EEFSEC: variants seen among roughly 807,000 people sequenced by gnomAD.
The protein encoded by EEFSEC is eukaryotic elongation factor, selenocysteine-tRNA specific.
In EEFSEC, 43 loss-of-function variants were observed where a neutral mutation model predicts 42.1. That is an observed-to-expected ratio of 1.02 (90% CI 0.80 to 1.32). EEFSEC has a LOEUF of 1.32. Ranked by LOEUF, EEFSEC falls within the 40% of genes most tolerant of loss-of-function variation. EEFSEC has a pLI of 0.00. For synonymous variants in EEFSEC, 354 were observed against 339.1 expected, an observed-to-expected ratio of 1.04 and a Z score of -0.48; for missense variants, 745 against 803.6, an observed-to-expected ratio of 0.93 and a Z score of 0.88.
At chr3:128,218,517 G>A (rs146096590) in intron 1 of EEFSEC, among the ~76,000 whole-genome samples, 12 of 152,302 alleles carry the variant, frequency 7.9e-5, no homozygotes, top group East Asian at 5.8e-4. Flanking sequence ...CTGCTCAACC[G>A]TCTTGATTTA....
intron 4 of EEFSEC, among the ~76,000 whole-genome samples, chr3:128,306,886 A>T (rs542284754): frequency 1.3e-5 from 2 of 152,370 alleles, no homozygotes; most frequent in South Asian, 4.1e-4. Context: ...AAATTCTAAA[A>T]TCTTTCTACT....
At chr3:128,271,288 G>A (rs2066410024) in intron 4 of EEFSEC, among the ~76,000 whole-genome samples, 1 of 152,202 alleles carries the variant, frequency 6.6e-6, no homozygotes, top group South Asian at 2.1e-4. Flanking sequence ...TGTGAATCAG[G>A]TGCCCGAGGC....
intron 6 of EEFSEC, among the ~76,000 whole-genome samples, chr3:128,394,776 C>A (rs1311210574): frequency 6.6e-6 from 1 of 152,118 alleles, no homozygotes; most frequent in Non-Finnish European, 1.5e-5. Flanking sequence ...TTGCCTCTGG[C>A]CACAGCCTTT....
chr3:128,218,271 GA>G (rs1055821889), intron 1 of EEFSEC, among the ~76,000 whole-genome samples: 1 of 152,198 alleles, frequency 6.6e-6, no homozygotes, highest in African/African-American at 2.4e-5. Context: ...CCCCTTCACA[GA>G]CATAGACTGT....
At chr3:128,253,903 G>A (rs748244014) in intron 2 of EEFSEC, among the ~76,000 whole-genome samples, 2 of 152,186 alleles carry the variant, frequency 1.3e-5, no homozygotes, top group Admixed American at 6.5e-5. Flanking sequence ...TGGCCCCTGA[G>A]ATTGTTTAAG....
At position 128,282,735 on chromosome 3, in the gene EEFSEC, C is replaced by T. The variant is rs576453598; in HGVS notation, c.786+17954C>T. Reference sequence around the variant, plus strand: ...GGTGGGGAAAATCTAGGGACTGTTACCTCCTGGGAGAGGCAACCTGGTGAG... The same window carrying T: ...GGTGGGGAAAATCTAGGGACTGTTATCTCCTGGGAGAGGCAACCTGGTGAG... On this transcript the variant is annotated intron_variant, in intron 4 of 6. Transcript: ENST00000254730. Among the ~76,000 whole-genome samples, 3 of 152,324 alleles carry T rather than the reference C, an allele frequency of 2.0e-5. No individual in the cohort carries two copies. In the South Asian group the frequency reaches 6.2e-4, roughly 32 times the overall value.
At chr3:128,281,883 C>T (rs114223970) in intron 4 of EEFSEC, among the ~76,000 whole-genome samples, 2,407 of 152,304 alleles carry the variant, frequency 0.016, 45 homozygotes, top group African/African-American at 0.054. Flanking sequence ...GAAGCTGGGG[C>T]GTTCCCCTGA....
At chr3:128,255,359 T>A (rs952753283) in intron 2 of EEFSEC, among the ~76,000 whole-genome samples, 13 of 152,168 alleles carry the variant, frequency 8.5e-5, no homozygotes, top group African/African-American at 3.1e-4. Flanking sequence ...CCTGGTCAGA[T>A]GCCACAGAGG....
chr3:128,387,256 T>C (rs2067851811), intron 6 of EEFSEC, among the ~76,000 whole-genome samples: 1 of 152,178 alleles, frequency 6.6e-6, no homozygotes, highest in South Asian at 2.1e-4. Context: ...CAGTGTTCTG[T>C]CCCTTCTGGT....
At chr3:128,239,540 C>A (rs1362076519) in intron 1 of EEFSEC, among the ~76,000 whole-genome samples, 1 of 152,176 alleles carries the variant, frequency 6.6e-6, no homozygotes, top group Non-Finnish European at 1.5e-5. Flanking sequence ...CCCCGCCTGC[C>A]TCAGAACTTG....
chr3:128,381,620 G>A lies in EEFSEC; in HGVS notation c.1600+23247G>A, dbSNP rs139713796. ...CAGGCTAGGACTCAGTGGCAAGAGAGACAGCTTTGGGCCTGCTTCCTGGAG... is the reference window on the plus strand; with the variant it reads ...CAGGCTAGGACTCAGTGGCAAGAGAAACAGCTTTGGGCCTGCTTCCTGGAG... On this transcript the variant is annotated intron_variant, in intron 6 of 6. Coordinates refer to ENST00000254730, the MANE Select transcript of EEFSEC (RefSeq NM_021937.5). Among the ~76,000 whole-genome samples the A allele has an allele frequency of 3.8e-4, 58 of 152,336 alleles. No individual in the cohort carries two copies. In the East Asian group the frequency reaches 0.011, roughly 28 times the overall value.
chr3:128,316,820 C>A (rs147098840), intron 4 of EEFSEC, among the ~76,000 whole-genome samples: 1 of 152,178 alleles, frequency 6.6e-6, no homozygotes, highest in Non-Finnish European at 1.5e-5. Flanking sequence ...CCATGACATA[C>A]GACAGCAGGG....
intron 1 of EEFSEC, among the ~76,000 whole-genome samples, chr3:128,172,334 C>T (rs901640445): frequency 3.3e-5 from 5 of 152,176 alleles, no homozygotes; most frequent in Non-Finnish European, 7.3e-5. Flanking sequence ...CTGGGTCTAG[C>T]GGAAATGCCA....
chr3:128,154,090 C>T (rs1390253448), intron 1 of EEFSEC, among the ~76,000 whole-genome samples: 1 of 151,498 alleles, frequency 6.6e-6, no homozygotes, highest in Non-Finnish European at 1.5e-5. Context: ...TCAAAAAATC[C>T]CTACCAAATG....
At chr3:128,204,104 G>A (rs2065668994) in intron 1 of EEFSEC, among the ~76,000 whole-genome samples, 1 of 152,200 alleles carries the variant, frequency 6.6e-6, no homozygotes, top group African/African-American at 2.4e-5. Context: ...TGTAAGGAAG[G>A]AATATAGAAG....
intron 6 of EEFSEC, among the ~76,000 whole-genome samples, chr3:128,394,678 C>T (rs964930169): frequency 1.3e-5 from 2 of 152,250 alleles, no homozygotes; most frequent in East Asian, 1.9e-4. Context: ...TGGAGCTCCA[C>T]GGGAGGCCAC....
intron 5 of EEFSEC, among the ~76,000 whole-genome samples, chr3:128,355,956 G>A (rs1460326322): frequency 1.3e-5 from 2 of 152,234 alleles, no homozygotes; most frequent in Non-Finnish European, 2.9e-5. Context: ...TAGGCACCAG[G>A]CCTTGATTTG....
At chr3:128,193,525 T>G (rs1161519204) in intron 1 of EEFSEC, among the ~76,000 whole-genome samples, 1 of 152,258 alleles carries the variant, frequency 6.6e-6, no homozygotes, top group African/African-American at 2.4e-5. Context: ...TCCCTTCAGA[T>G]GATCATTTGC....
chr3:128,256,604 C>T (rs1446752810), intron 2 of EEFSEC, among the ~76,000 whole-genome samples: 1 of 152,170 alleles, frequency 6.6e-6, no homozygotes, highest in Non-Finnish European at 1.5e-5. Flanking sequence ...GGCCTGACTC[C>T]ACTTCTTCAG....
Sources: allele counts gnomAD v4.1 joint callset (sites outside exome capture counted in the v4.1 genomes callset), GRCh38; gene constraint gnomAD v4.1.1; transcripts MANE v1.5; gene names NCBI Gene and HGNC (gene_info 2026-07-23, HGNC 2026-07-21).